Variants in ST3GAL3 observed in about 807,000 individuals in gnomAD.
ST3GAL3 encodes the protein ST3 beta-galactoside alpha-2,3-sialyltransferase 3, also known as CMP-N-acetylneuraminate-beta-1,4-galactoside alpha-2,3-sialyltransferase.
Under a neutral mutation model 50.1 loss-of-function variants are expected in ST3GAL3, and 21 were observed. The ratio of observed to expected loss-of-function variants is 0.42; its 90% CI spans 0.30 to 0.60. ST3GAL3 has a LOEUF of 0.60. ST3GAL3 is among the 20% of genes least tolerant of loss of function. The probability of loss-of-function intolerance (pLI) is 0.19; values close to 1 mark genes in which losing one functional copy is unlikely to be tolerated. For synonymous variants in ST3GAL3, 183 were observed against 190.0 expected (o/e 0.96, Z 0.30); for missense variants, 353 against 489.4 (o/e 0.72, Z 2.63).
chr1:43,754,143 C>A (rs549221442), intron 2 of ST3GAL3, among the ~76,000 whole-genome samples: 2 of 152,198 alleles, frequency 1.3e-5, no homozygotes, highest in African/African-American at 2.4e-5. Flanking sequence ...GAAAAAGTAA[C>A]CAATTTAAAA....
chr1:43,907,566 G>C (rs942946137), intron 9 of ST3GAL3, among the ~76,000 whole-genome samples: 1 of 152,130 alleles, frequency 6.6e-6, no homozygotes, highest in Non-Finnish European at 1.5e-5. Context: ...GGAAAATAAA[G>C]GTTGTCACCA....
chr1:43,811,820 G>A (rs1256167266), intron 3 of ST3GAL3, among the ~76,000 whole-genome samples: 1 of 151,982 alleles, frequency 6.6e-6, no homozygotes, highest in Non-Finnish European at 1.5e-5. Flanking sequence ...ATCCTGCCCT[G>A]TTCATAACAC....
At chr1:43,732,238 C>T (rs1216821904) in intron 1 of ST3GAL3, among the ~76,000 whole-genome samples, 1 of 152,232 alleles carries the variant, frequency 6.6e-6, no homozygotes. Flanking sequence ...CTGTTACCTG[C>T]ATCATCTGGG....
At chr1:43,748,530 G>T (rs1468048185) in intron 2 of ST3GAL3, among the ~76,000 whole-genome samples, 1 of 146,708 alleles carries the variant, frequency 6.8e-6, no homozygotes. Flanking sequence ...CCCAGCTTAA[G>T]CAATCCTCCT....
Position 43,857,586 on chromosome 1 carries a change from C to CCTTCCTTCCTTCCTTCCTTCCTTCCTT in ST3GAL3, c.302+19276_302+19277insTTCCTTCCTTCCTTCCTTCCTTCCTTC, listed in dbSNP as rs1558605800. ...TTCCTTCTTTCTTTCCTTCCTCCCT[C>CCTTCCTTCCTTCCTTCCTTCCTTCCTT]CCTTCCTTCCTTCCTTCCTTCCTTC... is the stretch of plus-strand genomic sequence containing the variant. On this transcript the variant is annotated intron_variant, in intron 5 of 11. Transcript: ENST00000347631. Among the ~76,000 whole-genome samples, 54 of 86,028 alleles carry CCTTCCTTCCTTCCTTCCTTCCTTCCTT rather than the reference C, an allele frequency of 6.3e-4. 1 individual carries two copies. Among genetic ancestry groups the CCTTCCTTCCTTCCTTCCTTCCTTCCTT allele is most frequent in the East Asian group, 2.5e-3 (7 of 2,832 alleles). 56.4% of individuals were successfully genotyped at this position (86,028 alleles called of 152,430 possible). A position where few individuals can be genotyped will look rare whatever the true frequency, so the allele number is the denominator to read the frequency against.
At chr1:43,808,567 C>T (rs1212547480) in intron 3 of ST3GAL3, among the ~76,000 whole-genome samples, 1 of 152,098 alleles carries the variant, frequency 6.6e-6, no homozygotes, top group East Asian at 1.9e-4. Flanking sequence ...TGAGGTTAGC[C>T]CTGTAATTGC....
At chr1:43,804,126 C>A (rs2059619400) in intron 3 of ST3GAL3, among the ~76,000 whole-genome samples, 1 of 152,106 alleles carries the variant, frequency 6.6e-6, no homozygotes, top group Non-Finnish European at 1.5e-5. Flanking sequence ...CTGGTGAGAC[C>A]CAGACTTTCA....
intron 2 of ST3GAL3, among the ~76,000 whole-genome samples, chr1:43,768,519 G>A (rs1467036157): frequency 6.6e-6 from 1 of 152,180 alleles, no homozygotes; most frequent in Admixed American, 6.5e-5. Context: ...AGGGAGGAGA[G>A]AAATTGAAGC....
At chr1:43,804,489 C>T (rs1260879675) in intron 3 of ST3GAL3, among the ~76,000 whole-genome samples, 1 of 152,022 alleles carries the variant, frequency 6.6e-6, no homozygotes, top group Non-Finnish European at 1.5e-5. Flanking sequence ...CAGGTAAAGA[C>T]CTTGGTTGAG....
At chr1:43,753,642 T>G (rs1686990383) in intron 2 of ST3GAL3, among the ~76,000 whole-genome samples, 1 of 152,224 alleles carries the variant, frequency 6.6e-6, no homozygotes, top group South Asian at 2.1e-4. Context: ...GTTCTAAACT[T>G]CATGTTACTG....
At chr1:43,815,179 G>T (rs1394104879) in intron 4 of ST3GAL3, among the ~76,000 whole-genome samples, 1 of 152,176 alleles carries the variant, frequency 6.6e-6, no homozygotes, top group Non-Finnish European at 1.5e-5. Flanking sequence ...ATAGAAGGAG[G>T]CCACTGCCAG....
At position 43,899,163 on chromosome 1, in the gene ST3GAL3, C is replaced by T. The variant is rs774546272; in HGVS notation, c.462-5C>T. 3 of 1,614,110 alleles carry T rather than the reference C, an allele frequency of 1.9e-6. No individual in the cohort carries two copies. The South Asian group carries it at 3.3e-5, about 18-fold the overall frequency. ...GTACAGAGGTCTCCGCCTCTCTCCCCTCAGCCTCCGCTGCCGCCGCTGCAT... is the reference window on the plus strand; with the variant it reads ...GTACAGAGGTCTCCGCCTCTCTCCCTTCAGCCTCCGCTGCCGCCGCTGCAT... On this transcript the variant is annotated splice_region_variant and splice_polypyrimidine_tract_variant and intron_variant, in intron 7 of 11. Coordinates refer to ENST00000347631, the MANE Select transcript of ST3GAL3 (RefSeq NM_006279.5). The surrounding 1 kb of genome is among the most constrained non-coding windows in gnomAD (Gnocchi z 5.4).
intron 1 of ST3GAL3, among the ~76,000 whole-genome samples, chr1:43,725,813 A>T (rs1047177257): frequency 1.3e-5 from 2 of 151,884 alleles, no homozygotes; most frequent in Middle Eastern, 3.4e-3. Flanking sequence ...TGCCTAGCTA[A>T]TTTTTGTATT....
At position 43,823,380 on chromosome 1, in the gene ST3GAL3, C is replaced by T. The variant is rs557922106; in HGVS notation, c.209+8447C>T. ...TTATCCTGCGCTCCTTGCTGTGATTCGGATATTCCAGACCTGTTCCCGCCT... is the reference window on the plus strand; with the variant it reads ...TTATCCTGCGCTCCTTGCTGTGATTTGGATATTCCAGACCTGTTCCCGCCT... On this transcript the variant is annotated intron_variant, in intron 4 of 11. Coordinates refer to ENST00000347631, the MANE Select transcript of ST3GAL3 (RefSeq NM_006279.5). Among the ~76,000 whole-genome samples, 9 of 152,230 alleles carry T rather than the reference C, an allele frequency of 5.9e-5. No individual in the cohort carries two copies. The South Asian group carries it at 1.5e-3, about 25-fold the overall frequency.
chr1:43,797,112 C>T (rs1485789381), intron 3 of ST3GAL3, among the ~76,000 whole-genome samples: 1 of 152,138 alleles, frequency 6.6e-6, no homozygotes, highest in African/African-American at 2.4e-5. Flanking sequence ...CACTTGAGCC[C>T]AGGAATTCAA....
chr1:43,796,871 A>G (rs2058738525), intron 3 of ST3GAL3, among the ~76,000 whole-genome samples: 2 of 152,240 alleles, frequency 1.3e-5, no homozygotes, highest in African/African-American at 4.8e-5. Context: ...AAATGAATAG[A>G]AAACTAGAAA....
At chr1:43,843,742 G>A (rs766278526) in intron 5 of ST3GAL3, among the ~76,000 whole-genome samples, 19 of 152,198 alleles carry the variant, frequency 1.2e-4, no homozygotes, top group Non-Finnish European at 2.2e-4. Flanking sequence ...ATTCTCATGC[G>A]CCACTGAACA....
chr1:43,755,886 G>A (rs1196014074), intron 2 of ST3GAL3, among the ~76,000 whole-genome samples: 2 of 151,996 alleles, frequency 1.3e-5, no homozygotes, highest in African/African-American at 4.8e-5. Context: ...ATCACTTCTA[G>A]GAGTTTGAGA....
chr1:43,724,172 C>G (rs186370730), intron 1 of ST3GAL3, among the ~76,000 whole-genome samples: 1 of 151,992 alleles, frequency 6.6e-6, no homozygotes, highest in African/African-American at 2.4e-5. Flanking sequence ...TATATTGTGT[C>G]TAGAGTTGGG....
Sources: allele counts gnomAD v4.1 joint callset (sites outside exome capture counted in the v4.1 genomes callset), GRCh38; gene constraint gnomAD v4.1.1; non-coding constraint Gnocchi (gnomAD v3.1); transcripts MANE v1.5; gene names NCBI Gene and HGNC (gene_info 2026-07-23, HGNC 2026-07-21).